The following CDH11 variants were observed in gnomAD, a reference collection of about 807,000 sequenced individuals.
CDH11 encodes the protein cadherin 11.
CDH11 carries 11 observed loss-of-function variants against 67.8 expected under a neutral mutation model. The observed-to-expected ratio is 0.16, with a 90% confidence interval of 0.10 to 0.27. The LOEUF is 0.27. Ranked by LOEUF, CDH11 falls within the 10% of genes least tolerant of loss-of-function variation. The pLI is 1.00. For missense variants in CDH11, 847 were observed against 1,031.2 expected (o/e 0.82, Z 2.45); for synonymous variants, 419 against 400.0 (o/e 1.05, Z -0.57).
At chr16:65,035,986 G>A (rs1484662990) in intron 2 of CDH11, among the ~76,000 whole-genome samples, 1 of 152,156 alleles carries the variant, frequency 6.6e-6, no homozygotes, top group Non-Finnish European at 1.5e-5. Context: ...TTCTTGTCCA[G>A]GTGGTCACAG....
chr16:65,004,291 T>C (rs1301726387), intron 3 of CDH11, among the ~76,000 whole-genome samples: 3 of 152,162 alleles, frequency 2.0e-5, no homozygotes, highest in Non-Finnish European at 4.4e-5. Flanking sequence ...GAGGATCCCT[T>C]GAGCCCAGGA....
At chr16:65,120,013 G>A (rs1459126664) in intron 1 of CDH11, among the ~76,000 whole-genome samples, 3 of 152,152 alleles carry the variant, frequency 2.0e-5, no homozygotes, top group Non-Finnish European at 2.9e-5. Context: ...TCAGTAGCTG[G>A]AGCCTCAGAG....
intron 1 of CDH11, among the ~76,000 whole-genome samples, chr16:65,093,897 T>C (rs1259535632): frequency 6.6e-6 from 1 of 152,202 alleles, no homozygotes; most frequent in East Asian, 1.9e-4. Context: ...TTTGAATATA[T>C]GTTCCTTGGA....
rs775862772 is a variant in CDH11, at chr16:64,950,794, T to G, written c.1867A>C (p.Ile623Leu). ...AGGAGAATGACGATGCAGGCGAGGATGGCGATCAGGGCGCCTGTGCTCAGG... is the reference window on the plus strand; with the variant it reads ...AGGAGAATGACGATGCAGGCGAGGAGGGCGATCAGGGCGCCTGTGCTCAGG... ...AGLSTGALIA[I>L]LACIVILLVI... The change falls in exon 12 of 13, where the codon ATC becomes CTC. Residue 623 changes from isoleucine to leucine, a missense_variant. Ile to Leu is a conservative substitution (Grantham distance 5). Around this residue, in one of 2 missense-constraint regions of CDH11, gnomAD observed 612 missense variants for 678.7 expected, o/e 0.90. Coordinates refer to ENST00000268603, the MANE Select transcript of CDH11 (RefSeq NM_001797.4). The G allele has an allele frequency of 6.2e-7, 1 of 1,614,118 alleles. No individual in the cohort carries two copies. Among genetic ancestry groups the G allele is most frequent in the Admixed American group, 1.7e-5 (1 of 60,026 alleles).
At chr16:65,115,866 G>A (rs1339752754) in intron 1 of CDH11, among the ~76,000 whole-genome samples, 1 of 152,118 alleles carries the variant, frequency 6.6e-6, no homozygotes, top group African/African-American at 2.4e-5. Flanking sequence ...CTTGAGGCCA[G>A]GAGTTTGAGA....
intron 7 of CDH11, chr16:64,983,155 AG>A (rs2072399603): frequency 6.6e-6 from 1 of 151,692 alleles, no homozygotes; most frequent in South Asian, 2.1e-4. Flanking sequence ...AAAAAAAAAA[AG>A]AATGCATATA....
chr16:65,062,778 A>G (rs574614401), intron 1 of CDH11, among the ~76,000 whole-genome samples: 1 of 152,310 alleles, frequency 6.6e-6, no homozygotes, highest in East Asian at 1.9e-4. Context: ...GAGCTTTCAA[A>G]CCAATGACTT....
intron 2 of CDH11, among the ~76,000 whole-genome samples, chr16:65,009,969 G>T (rs1361370102): frequency 6.6e-6 from 1 of 152,152 alleles, no homozygotes; most frequent in Non-Finnish European, 1.5e-5. Context: ...TAAAGAAAAT[G>T]ACATATACGG....
rs369246678 is a variant in CDH11, at chr16:64,945,294, T to G, written c.*2309A>C. ...AAACAATAGAGGCTTAACGAAAAAA[T>G]AAAAGGTAAAAAAAAAAAAAAAAAA... On this transcript the variant is annotated 3_prime_UTR_variant, in exon 13 of 13. Transcript: ENST00000268603. 7 of 434,922 alleles carry G rather than the reference T, an allele frequency of 1.6e-5. No homozygotes were observed. In the African/African-American group the frequency reaches 3.0e-4, roughly 18 times the overall value. 26.9% of individuals were successfully genotyped at this position (434,922 alleles called of 1,614,324 possible).
intron 1 of CDH11, among the ~76,000 whole-genome samples, chr16:65,107,034 T>C (rs2075077176): frequency 1.3e-5 from 2 of 152,038 alleles, no homozygotes; most frequent in African/African-American, 2.4e-5. Context: ...CTCCCATTTA[T>C]GGAACTGGAA....
intron 4 of CDH11, among the ~76,000 whole-genome samples, chr16:64,995,162 C>T (rs1455833522): frequency 6.6e-6 from 1 of 152,044 alleles, no homozygotes. Flanking sequence ...GGCTACACTG[C>T]CCAAAGCAAT....
chr16:65,122,286 A>T (rs2075348942), upstream of CDH11: 1 of 367,308 alleles, frequency 2.7e-6, no homozygotes. Flanking sequence ...GGGCCCAGAG[A>T]TGCTAACCCC....
chr16:65,024,402 A>G (rs1360763152), intron 2 of CDH11, among the ~76,000 whole-genome samples: 3 of 152,158 alleles, frequency 2.0e-5, no homozygotes, highest in Non-Finnish European at 4.4e-5. Flanking sequence ...GCCTTACTCT[A>G]AACCAATTTA....
At chr16:65,048,035 A>G (rs2073992895) in intron 2 of CDH11, among the ~76,000 whole-genome samples, 1 of 152,236 alleles carries the variant, frequency 6.6e-6, no homozygotes, top group South Asian at 2.1e-4. Context: ...AAGCAACAGT[A>G]CGGTTCCATT....
At chr16:65,036,548 C>T (rs1019102097) in intron 2 of CDH11, among the ~76,000 whole-genome samples, 2 of 152,098 alleles carry the variant, frequency 1.3e-5, no homozygotes, top group African/African-American at 4.8e-5. Context: ...AATGCAGACC[C>T]AACTACCCTA....
rs895492448 is a variant in CDH11, at chr16:65,122,056, C to G, written c.-474G>C. The G allele has an allele frequency of 3.5e-6, 2 of 566,472 alleles. No homozygotes were observed. The highest frequency in any genetic ancestry group is 3.3e-5 in the South Asian group (2 of 60,096). The allele number at this position is 566,472 out of a possible 1,614,324, so 35.1% of individuals were successfully genotyped here. A position where few individuals can be genotyped will look rare whatever the true frequency, so the allele number is the denominator to read the frequency against. On this transcript the variant is annotated 5_prime_UTR_variant, in exon 1 of 13. Coordinates refer to ENST00000268603, the MANE Select transcript of CDH11 (RefSeq NM_001797.4). ...GACGCTCCCCTCAGCTGGCGGCGGC[C>G]GCGGAATGAGCCGCCGAGCGCGCTA...
At chr16:64,966,155 AG>A (rs1166473380) in intron 11 of CDH11, among the ~76,000 whole-genome samples, 11 of 152,136 alleles carry the variant, frequency 7.2e-5, no homozygotes, top group African/African-American at 2.7e-4. Flanking sequence ...AATGTAAAGT[AG>A]CTAACCATAA....
At chr16:65,081,899 G>A (rs1035452283) in intron 1 of CDH11, among the ~76,000 whole-genome samples, 3 of 150,732 alleles carry the variant, frequency 2.0e-5, no homozygotes, top group Non-Finnish European at 4.4e-5. Context: ...AAAATGTTAT[G>A]TGAAGTCACA....
chr16:65,102,446 CT>C (rs1167535348), intron 1 of CDH11, among the ~76,000 whole-genome samples: 1 of 152,242 alleles, frequency 6.6e-6, no homozygotes, highest in East Asian at 1.9e-4. Context: ...GGAGGAAACT[CT>C]TACTTTGGAG....
Sources: gnomAD v4.1 joint callset for allele counts (sites outside exome capture counted in the v4.1 genomes callset) on GRCh38, gnomAD v4.1.1 for gene constraint, gnomAD v4.1.1 regional missense constraint, MANE v1.5 for transcripts, NCBI Gene and HGNC (gene_info 2026-07-23, HGNC 2026-07-21) for gene names.